Variants in RPTOR observed in about 807,000 individuals in gnomAD.
RPTOR encodes regulatory associated protein of MTOR complex 1.
Under a neutral mutation model 169.9 loss-of-function variants are expected in RPTOR, and 21 were observed. That is an observed-to-expected ratio of 0.12 (90% CI 0.09 to 0.18). The LOEUF (loss-of-function observed/expected upper bound fraction) is 0.18. Among genes scored for constraint, RPTOR ranks in the 10% least tolerant of loss-of-function variants. The pLI is 1.00. For synonymous variants in RPTOR, 732 were observed against 753.2 expected, an observed-to-expected ratio of 0.97 and a Z score of 0.46; for missense variants, 1,133 against 1,855.9, an observed-to-expected ratio of 0.61 and a Z score of 7.16.
At chr17:80,950,709 G>T (rs1302120184) in intron 28 of RPTOR, among the ~76,000 whole-genome samples, 1 of 152,086 alleles carries the variant, frequency 6.6e-6, no homozygotes, top group African/African-American at 2.4e-5. Context: ...CCTGGTCCAG[G>T]AGGGGTCCCG....
chr17:80,916,484 C>A (rs71373054), intron 21 of RPTOR, among the ~76,000 whole-genome samples: 2 of 152,262 alleles, frequency 1.3e-5, no homozygotes, highest in Admixed American at 1.3e-4. Context: ...CCTCACCACT[C>A]TGCGCCTGGC....
chr17:80,804,401 A>G (rs2067196339), intron 7 of RPTOR: 1 of 152,298 alleles, frequency 6.6e-6, no homozygotes, highest in South Asian at 2.1e-4. Context: ...TGTGTCTTCT[A>G]GCTGTTTCTG....
At chr17:80,759,303 A>G (rs751188471) in intron 6 of RPTOR, among the ~76,000 whole-genome samples, 7 of 152,182 alleles carry the variant, frequency 4.6e-5, no homozygotes, top group African/African-American at 7.2e-5. Flanking sequence ...CTACCAAGGC[A>G]TGATGTGTCA....
At chr17:80,717,951 C>T (rs186215492) in intron 4 of RPTOR, among the ~76,000 whole-genome samples, 15 of 152,342 alleles carry the variant, frequency 9.8e-5, no homozygotes, top group African/African-American at 2.6e-4. Context: ...ATCCACTACT[C>T]GAATACTCCC....
intron 13 of RPTOR, among the ~76,000 whole-genome samples, chr17:80,871,599 G>T (rs1362284770): frequency 1.3e-5 from 2 of 152,198 alleles, no homozygotes; most frequent in African/African-American, 4.8e-5. Context: ...GAAGGAAGTC[G>T]CTTGGATGTG....
intron 1 of RPTOR, among the ~76,000 whole-genome samples, chr17:80,607,525 G>A (rs1430955889): frequency 6.6e-6 from 1 of 151,734 alleles, no homozygotes; most frequent in Non-Finnish European, 1.5e-5. Context: ...ACTCAGCTAT[G>A]CCTCCTTTAA....
intron 1 of RPTOR, among the ~76,000 whole-genome samples, chr17:80,554,126 A>G (rs2084377991): frequency 6.6e-6 from 1 of 151,562 alleles, no homozygotes; most frequent in East Asian, 1.9e-4. Context: ...CCTGGGCTCA[A>G]GTGATCCTCC....
At chr17:80,900,869 G>T (rs768565541) in intron 20 of RPTOR, among the ~76,000 whole-genome samples, 4 of 152,250 alleles carry the variant, frequency 2.6e-5, no homozygotes, top group Admixed American at 1.3e-4. Flanking sequence ...GCAGTGTGGC[G>T]CTGGGTCACC....
In RPTOR at chr17:80,779,522, G is replaced by A. The variant is rs188699649; in HGVS notation, c.831-11928G>A. Among the ~76,000 whole-genome samples, 10 of 152,298 alleles carry A rather than the reference G, an allele frequency of 6.6e-5. No homozygotes were observed. The East Asian group carries it at 1.7e-3, about 27-fold the overall frequency. Reference sequence around the variant, plus strand: ...CACAGGTGGGGGATAAGATTCCGTCGCGGTCGGAGTTTTCCTGTGTGAACA... The same window carrying A: ...CACAGGTGGGGGATAAGATTCCGTCACGGTCGGAGTTTTCCTGTGTGAACA... On this transcript the variant is annotated intron_variant, in intron 6 of 33. Transcript: ENST00000306801.
rs966775879 is a variant in RPTOR, at chr17:80,823,801, T to C, written c.1136+578T>C. ...ACAATAATGTGATTTGTTTTTAGTC[T>C]AGACATTATATTTGAAGACGTTTGG... On this transcript the variant is annotated intron_variant, in intron 9 of 33. Transcript: ENST00000306801. This position sits in a 1 kb window ranked among gnomAD's most constrained non-coding sequence, Gnocchi z 4.5. 6.6e-6 allele frequency among the ~76,000 whole-genome samples: 1 copy of C among 152,218 alleles called. No individual in the cohort carries two copies. The highest frequency in any genetic ancestry group is 1.5e-5 in the Non-Finnish European group (1 of 68,032).
intron 21 of RPTOR, among the ~76,000 whole-genome samples, chr17:80,921,338 A>C (rs906782377): frequency 1.3e-5 from 2 of 152,210 alleles, no homozygotes; most frequent in Non-Finnish European, 2.9e-5. Flanking sequence ...CTCCTGACAC[A>C]GATGAGGTTG....
At chr17:80,788,472 A>G (rs1476214993) in intron 6 of RPTOR, among the ~76,000 whole-genome samples, 2 of 152,090 alleles carry the variant, frequency 1.3e-5, no homozygotes, top group African/African-American at 4.8e-5. Context: ...TAAATAAATA[A>G]AAATAAAAAC....
At chr17:80,697,956 G>C (rs2066051417) in intron 3 of RPTOR, among the ~76,000 whole-genome samples, 1 of 152,164 alleles carries the variant, frequency 6.6e-6, no homozygotes, top group Non-Finnish European at 1.5e-5. Context: ...GCACCAGGGA[G>C]ATGGCAGGAG....
At chr17:80,788,815 T>C (rs1441896157) in intron 6 of RPTOR, among the ~76,000 whole-genome samples, 1 of 152,258 alleles carries the variant, frequency 6.6e-6, no homozygotes, top group African/African-American at 2.4e-5. Context: ...TATATTCAGC[T>C]TTGTGGGTTT....
chr17:80,922,958 C>G, intron 22 of RPTOR, 131 bp downstream of exon 22: 1 of 734,232 alleles, frequency 1.4e-6, no homozygotes, highest in Non-Finnish European at 2.2e-6. Flanking sequence ...TCCCCCCTCT[C>G]CAGCGGGCGT....
chr17:80,871,569 C>A (rs2068053266), intron 13 of RPTOR, among the ~76,000 whole-genome samples: 1 of 152,178 alleles, frequency 6.6e-6, no homozygotes, highest in African/African-American at 2.4e-5. Context: ...GCCGCCCCTT[C>A]CGGAATGGGC....
rs542217645 is a variant in RPTOR, at chr17:80,796,609, A to G, written c.890+5100A>G. Among the ~76,000 whole-genome samples the G allele has an allele frequency of 2.0e-5, 3 of 152,342 alleles. No homozygotes were observed. The South Asian group carries it at 6.2e-4, about 32-fold the overall frequency. On this transcript the variant is annotated intron_variant, in intron 7 of 33. Transcript: ENST00000306801. ...GTCCCCGCCTCAACACATGGGTATT[A>G]GAGTTCAAGATGAGATTTGGGTAGA...
At chr17:80,890,916 C>T (rs746356849) in intron 17 of RPTOR, among the ~76,000 whole-genome samples, 11 of 151,918 alleles carry the variant, frequency 7.2e-5, no homozygotes, top group Non-Finnish European at 1.5e-4. Flanking sequence ...GAGACAGGGG[C>T]GTCACGCGAC....
chr17:80,915,160 C>G (rs914072602), intron 21 of RPTOR, among the ~76,000 whole-genome samples: 1 of 151,388 alleles, frequency 6.6e-6, no homozygotes, highest in African/African-American at 2.4e-5. Flanking sequence ...CTCCTCTCTG[C>G]TGAGAACTGA....
Sources: gnomAD v4.1 joint callset for allele counts (sites outside exome capture counted in the v4.1 genomes callset) on GRCh38, gnomAD v4.1.1 for gene constraint, Gnocchi (gnomAD v3.1) non-coding constraint, MANE v1.5 for transcripts, NCBI Gene and HGNC (gene_info 2026-07-23, HGNC 2026-07-21) for gene names.